SPATA6: variants seen among roughly 807,000 people sequenced by gnomAD.
SPATA6 encodes spermatogenesis associated 6, also known as spermatogenesis-associated protein 6.
A neutral mutation model predicts 65.3 loss-of-function variants in SPATA6; 56 were observed. That is an observed-to-expected ratio of 0.86 (90% CI 0.69 to 1.07). SPATA6 has a LOEUF of 1.07. Among genes scored for constraint, SPATA6 ranks in the 50% least tolerant of loss-of-function variants. The probability of loss-of-function intolerance (pLI) is 0.00; values close to 1 mark genes in which losing one functional copy is unlikely to be tolerated. For synonymous variants in SPATA6, 199 were observed against 213.2 expected, an observed-to-expected ratio of 0.93 and a Z score of 0.58; for missense variants, 590 against 594.8, an observed-to-expected ratio of 0.99 and a Z score of 0.08.
intron 11 of SPATA6, among the ~76,000 whole-genome samples, chr1:48,316,935 T>G (rs551053749): frequency 2.6e-5 from 4 of 152,128 alleles, no homozygotes. Context: ...AAAATGCTCA[T>G]CATCACTGGC....
At chr1:48,467,253 A>G (rs1450970808) in intron 1 of SPATA6, among the ~76,000 whole-genome samples, 1 of 152,130 alleles carries the variant, frequency 6.6e-6, no homozygotes, top group Non-Finnish European at 1.5e-5. Context: ...TCATATTACT[A>G]AAGTATTACA....
intron 11 of SPATA6, among the ~76,000 whole-genome samples, chr1:48,342,825 A>T (rs1181567822): frequency 6.6e-6 from 1 of 152,108 alleles, no homozygotes; most frequent in African/African-American, 2.4e-5. Flanking sequence ...TGTGCAATAT[A>T]ATTTAGAATA....
chr1:48,385,460 T>C, intron 8 of SPATA6, 111 bp from the exon 9 acceptor site: 1 of 838,548 alleles, frequency 1.2e-6, no homozygotes, highest in Non-Finnish European at 1.8e-6. Flanking sequence ...TCAGAGATAC[T>C]TCAAAATCCT....
intron 3 of SPATA6, 144 bp from the exon 4 acceptor site, chr1:48,413,295 CT>C (rs569870269): frequency 0.037 from 6,934 of 185,410 alleles, no homozygotes; most frequent in East Asian, 0.056. Flanking sequence ...ATGTACACTT[CT>C]TTTTTTTTTT....
At chr1:48,459,982 T>G (rs931227604) in intron 1 of SPATA6, among the ~76,000 whole-genome samples, 1 of 152,202 alleles carries the variant, frequency 6.6e-6, no homozygotes, top group Non-Finnish European at 1.5e-5. Context: ...AGTCATTTTT[T>G]TTTTAAGATA....
At position 48,298,651 on chromosome 1, in the gene SPATA6, C is replaced by T. The variant is rs970811192; in HGVS notation, c.*62G>A. The T allele has an allele frequency of 8.2e-6, 12 of 1,462,710 alleles. No individual in the cohort carries two copies. The highest frequency in any genetic ancestry group is 1.1e-5 in the Non-Finnish European group (12 of 1,086,088). The allele number at this position is 1,462,710 out of a possible 1,614,324, so 90.6% of individuals were successfully genotyped here. A position where few individuals can be genotyped will look rare whatever the true frequency, so the allele number is the denominator to read the frequency against. On this transcript the variant is annotated 3_prime_UTR_variant, in exon 13 of 13. Coordinates refer to ENST00000371847, the MANE Select transcript of SPATA6 (RefSeq NM_019073.4). ...TAAAAAAAGGAATACAGATATTGATCACATCAAACATTTTCATTGAGAAAT... is the reference window on the plus strand; with the variant it reads ...TAAAAAAAGGAATACAGATATTGATTACATCAAACATTTTCATTGAGAAAT...
At chr1:48,348,228 T>C (rs900119619) in intron 11 of SPATA6, among the ~76,000 whole-genome samples, 3 of 151,988 alleles carry the variant, frequency 2.0e-5, no homozygotes, top group African/African-American at 7.2e-5. Flanking sequence ...ACTCCAGTAC[T>C]CACCCAAGGG....
At chr1:48,325,795 C>A (rs543868381) in intron 11 of SPATA6, 2 of 443,950 alleles carry the variant, frequency 4.5e-6, no homozygotes, top group South Asian at 2.2e-5. Context: ...TGGAATCAGT[C>A]GGAATTTGCT....
At chr1:48,374,340 A>G (rs1367413354) in intron 9 of SPATA6, among the ~76,000 whole-genome samples, 1 of 152,164 alleles carries the variant, frequency 6.6e-6, no homozygotes, top group Non-Finnish European at 1.5e-5. Context: ...CATTCACAAT[A>G]GGAACAAGCC....
chr1:48,285,331 G>A, the SPATA6 span, among the ~76,000 whole-genome samples: 1 of 152,138 alleles, frequency 6.6e-6, no homozygotes, highest in Non-Finnish European at 1.5e-5. Context: ...CTGGCTGCCA[G>A]AATTTCAAGC....
At chr1:48,434,718 G>A (rs140271492) in intron 3 of SPATA6, among the ~76,000 whole-genome samples, 22 of 152,154 alleles carry the variant, frequency 1.4e-4, no homozygotes, top group African/African-American at 5.3e-4. Context: ...GTGTGTGTCT[G>A]TAGATGAAAA....
intron 1 of SPATA6, among the ~76,000 whole-genome samples, chr1:48,465,423 C>G (rs1248666494): frequency 6.6e-6 from 1 of 152,038 alleles, no homozygotes; most frequent in Non-Finnish European, 1.5e-5. Context: ...GGAAACTAAC[C>G]GGATACCCTG....
intron 11 of SPATA6, among the ~76,000 whole-genome samples, chr1:48,314,889 C>A (rs544300905): frequency 2.6e-5 from 4 of 152,250 alleles, no homozygotes; most frequent in South Asian, 4.1e-4. Context: ...GAAATACAAA[C>A]TACCATCAGA....
chr1:48,411,512 G>A lies in SPATA6; in HGVS notation c.357C>T (p.His119=), dbSNP rs1223338017. ...MFPGPNQMSG[H]HDSNRQVTMR... is the part of the protein sequence containing the mutation. The stretch of plus-strand genomic sequence containing the variant: ...TGGTAACCTGGCGGTTTGAATCATG[G>A]TGTCCAGACATTTGGTTTGGACCCG... The change falls in exon 5 of 13, where the codon CAC becomes CAT. Residue 119 remains histidine (H), a synonymous_variant. Coordinates refer to ENST00000371847, the MANE Select transcript of SPATA6 (RefSeq NM_019073.4). The A allele has an allele frequency of 2.5e-6, 4 of 1,610,838 alleles. No individual in the cohort carries two copies. The South Asian group carries it at 4.4e-5, about 18-fold the overall frequency.
intron 9 of SPATA6, among the ~76,000 whole-genome samples, chr1:48,363,799 ATTTAT>A (rs1174523110): frequency 1.3e-5 from 2 of 151,074 alleles, no homozygotes; most frequent in Admixed American, 6.6e-5. Context: ...TATTTTTTAA[ATTTAT>A]TTTATTATTA....
chr1:48,316,496 C>T (rs1340371322), intron 11 of SPATA6, among the ~76,000 whole-genome samples: 1 of 152,144 alleles, frequency 6.6e-6, no homozygotes, highest in East Asian at 1.9e-4. Flanking sequence ...AAAGCTGAAA[C>T]TGGATCCCTT....
At chr1:48,446,530 A>T (rs965369987) in intron 3 of SPATA6, among the ~76,000 whole-genome samples, 1 of 152,198 alleles carries the variant, frequency 6.6e-6, no homozygotes, top group East Asian at 1.9e-4. Context: ...GTTCCCCTGC[A>T]GTATTTCTTC....
intron 11 of SPATA6, among the ~76,000 whole-genome samples, chr1:48,355,230 T>C (rs901645171): frequency 7.9e-5 from 12 of 152,152 alleles, no homozygotes; most frequent in Admixed American, 2.6e-4. Flanking sequence ...TTTTCCTCTT[T>C]TATTCAATTA....
intron 12 of SPATA6, among the ~76,000 whole-genome samples, chr1:48,302,694 C>T (rs1187346474): frequency 6.6e-6 from 1 of 152,156 alleles, no homozygotes. Context: ...AAATTAGTGG[C>T]TCATTAGGGC....
Sources: gnomAD v4.1 joint callset for allele counts (sites outside exome capture counted in the v4.1 genomes callset) on GRCh38, gnomAD v4.1.1 for gene constraint, MANE v1.5 for transcripts, NCBI Gene and HGNC (gene_info 2026-07-23, HGNC 2026-07-21) for gene names.